DLGAP2: variants seen among roughly 807,000 people sequenced by gnomAD.
DLGAP2 encodes DLG associated protein 2, also known as disks large-associated protein 2.
Under a neutral mutation model 100.3 loss-of-function variants are expected in DLGAP2, and 26 were observed. That is an observed-to-expected ratio of 0.26 (90% CI 0.19 to 0.36). DLGAP2 has a LOEUF of 0.36. DLGAP2 is among the 10% of genes least tolerant of loss of function. DLGAP2 has a pLI of 1.00. For missense variants in DLGAP2, 1,858 were observed against 1,453.2 expected (o/e 1.28, Z -4.53); for synonymous variants, 886 against 630.1 (o/e 1.41, Z -6.08).
chr8:1,286,479 C>T (rs376010803), intron 3 of DLGAP2, among the ~76,000 whole-genome samples: 6 of 152,176 alleles, frequency 3.9e-5, no homozygotes, highest in Non-Finnish European at 7.3e-5. Context: ...GAGCTTTCCC[C>T]GTAGACTGTT....
intron 3 of DLGAP2, among the ~76,000 whole-genome samples, chr8:1,279,853 C>T (rs1445513195): frequency 3.9e-5 from 6 of 152,208 alleles, no homozygotes; most frequent in Non-Finnish European, 1.5e-5. Flanking sequence ...CCTTGACCGC[C>T]CTCTGTTGAG....
At chr8:1,069,268 C>T (rs936364773) in intron 2 of DLGAP2, among the ~76,000 whole-genome samples, 9 of 152,076 alleles carry the variant, frequency 5.9e-5, no homozygotes, top group Admixed American at 3.9e-4. Flanking sequence ...GTGGGGGCTG[C>T]CAGCTGGGCC....
chr8:1,143,176 C>T (rs934575014), intron 2 of DLGAP2, among the ~76,000 whole-genome samples: 1 of 152,150 alleles, frequency 6.6e-6, no homozygotes, highest in South Asian at 2.1e-4. Context: ...GTCTCTGCTG[C>T]TGTTCTCTGT....
chr8:962,669 C>T (rs369390623), intron 2 of DLGAP2, among the ~76,000 whole-genome samples: 3 of 152,114 alleles, frequency 2.0e-5, no homozygotes, highest in Middle Eastern at 3.4e-3. Flanking sequence ...TTGGTATTCC[C>T]GGCAACAACG....
At chr8:1,581,497 C>A (rs927321252) in intron 6 of DLGAP2, among the ~76,000 whole-genome samples, 2 of 146,690 alleles carry the variant, frequency 1.4e-5, no homozygotes, top group African/African-American at 2.6e-5. Context: ...AGTCAAACTA[C>A]CAGAAGTGAA....
rs879538900 is a variant in DLGAP2 at position 801,989 on chromosome 8, C to CCG, written c.18+64164_18+64165insCG. On this transcript the variant is annotated intron_variant, in intron 1 of 14. Transcript: ENST00000637795. ...ACGGTCTGCACCCCTCCTGGGTCCT[C>CCG]TGTCCTCACAGCCTGAGGAACAGTC... Among the ~76,000 whole-genome samples, 1,207 of 144,070 alleles carry CCG rather than the reference C, an allele frequency of 8.4e-3. 115 individuals carry two copies. The highest frequency in any genetic ancestry group is 0.013 in the South Asian group (59 of 4,574). 94.5% of individuals were successfully genotyped at this position (144,070 alleles called of 152,430 possible).
chr8:1,605,029 C>G (rs895678610), intron 6 of DLGAP2, among the ~76,000 whole-genome samples: 1 of 152,136 alleles, frequency 6.6e-6, no homozygotes, highest in African/African-American at 2.4e-5. Context: ...AGCAACAGCA[C>G]CAGAAGCCAG....
chr8:958,824 C>A (rs1292557919), intron 2 of DLGAP2, among the ~76,000 whole-genome samples: 1 of 152,110 alleles, frequency 6.6e-6, no homozygotes, highest in Non-Finnish European at 1.5e-5. Context: ...GGAGCAGGAT[C>A]TACAGGAAAA....
intron 2 of DLGAP2, among the ~76,000 whole-genome samples, chr8:1,007,843 A>G (rs1198828916): frequency 1.3e-5 from 2 of 152,240 alleles, no homozygotes; most frequent in African/African-American, 2.4e-5. Flanking sequence ...TAACATAAAA[A>G]TTTATAAACT....
At chr8:1,241,680 T>C (rs1166102728) in intron 2 of DLGAP2, among the ~76,000 whole-genome samples, 1 of 152,108 alleles carries the variant, frequency 6.6e-6, no homozygotes, top group African/African-American at 2.4e-5. Flanking sequence ...ATTAACTGTA[T>C]AATTTTAATT....
intron 2 of DLGAP2, among the ~76,000 whole-genome samples, chr8:1,180,705 TGTGGGTGTG>T (rs1797365550): frequency 6.7e-6 from 1 of 150,048 alleles, no homozygotes. Flanking sequence ...GTCGAGTGTG[TGTGGGTGTG>T]CAAGGGCAGC....
rs1796914884 is a variant in DLGAP2 at position 1,609,105 on chromosome 8, G to T, written c.1443-17635G>T. Among the ~76,000 whole-genome samples the T allele has an allele frequency of 1.6e-5, 2 of 128,100 alleles. 1 individual carries two copies. The highest frequency in any genetic ancestry group is 5.4e-5 in the African/African-American group (2 of 37,268). 84.0% of individuals were successfully genotyped at this position (128,100 alleles called of 152,430 possible). A position where few individuals can be genotyped will look rare whatever the true frequency, so the allele number is the denominator to read the frequency against. On this transcript the variant is annotated intron_variant, in intron 6 of 14. Transcript: ENST00000637795. ...CATAATTGTCAGATTCACCAAAATG[G>T]AAATGAAGGAAAAAATGTTAAGGGC...
rs571787470 is a variant in DLGAP2, at chr8:1,093,595, TGACA to T, written c.74-165249_74-165246del. On this transcript the variant is annotated intron_variant, in intron 2 of 14. Coordinates refer to ENST00000637795, the MANE Select transcript of DLGAP2 (RefSeq NM_001346810.2). ...CAGCCAGACAGAAACACCTTCACAC[TGACA>T]GACAGAAACACCTTCACACCGACAG... 5.3e-4 allele frequency among the ~76,000 whole-genome samples: 69 copies of T among 130,602 alleles called. No homozygotes were observed. The East Asian group carries it at 0.016, about 31-fold the overall frequency. 85.7% of individuals were successfully genotyped at this position (130,602 alleles called of 152,430 possible).
intron 2 of DLGAP2, among the ~76,000 whole-genome samples, chr8:1,055,041 G>T (rs1205963640): frequency 6.6e-6 from 1 of 152,224 alleles, no homozygotes; most frequent in Admixed American, 6.5e-5. Flanking sequence ...TCAGAAAACA[G>T]TTCCATGTTA....
At chr8:1,048,355 T>C (rs1425746167) in intron 2 of DLGAP2, among the ~76,000 whole-genome samples, 3 of 152,064 alleles carry the variant, frequency 2.0e-5, no homozygotes, top group African/African-American at 7.2e-5. Context: ...TCCATCTGAC[T>C]TCAAAGCCGT....
intron 2 of DLGAP2, among the ~76,000 whole-genome samples, chr8:1,237,391 C>T (rs1326201522): frequency 5.4e-4 from 50 of 91,922 alleles, no homozygotes; most frequent in Middle Eastern, 0.011. Flanking sequence ...TCTCACATGG[C>T]GCCGTGTCTA....
chr8:1,650,984 A>C (rs982167000), intron 8 of DLGAP2, among the ~76,000 whole-genome samples: 5 of 152,184 alleles, frequency 3.3e-5, no homozygotes, highest in African/African-American at 4.8e-5. Context: ...GCTGCTTCTC[A>C]TGTCTGCCTC....
chr8:1,519,963 A>C (rs1272296379), intron 4 of DLGAP2, among the ~76,000 whole-genome samples: 1 of 152,212 alleles, frequency 6.6e-6, no homozygotes, highest in Non-Finnish European at 1.5e-5. Context: ...CTCGGTTTCC[A>C]GTCTGCAGGA....
intron 2 of DLGAP2, among the ~76,000 whole-genome samples, chr8:1,093,929 A>C (rs545936172): frequency 2.0e-5 from 3 of 151,396 alleles, no homozygotes; most frequent in Non-Finnish European, 4.4e-5. Context: ...GCTGAAGTCC[A>C]TGCCTCTCTG....
Sources: allele counts gnomAD v4.1 joint callset (sites outside exome capture counted in the v4.1 genomes callset), GRCh38; gene constraint gnomAD v4.1.1; transcripts MANE v1.5; gene names NCBI Gene and HGNC (gene_info 2026-07-23, HGNC 2026-07-21).